Variants in CFAP20DC observed in about 807,000 individuals in gnomAD.
CFAP20DC encodes the protein protein CFAP20DC.
In CFAP20DC, 84 loss-of-function variants were observed where a neutral mutation model predicts 101.7. The ratio of observed to expected loss-of-function variants is 0.83; its 90% CI spans 0.69 to 0.99. CFAP20DC has a LOEUF of 0.99. Among genes scored for constraint, CFAP20DC ranks in the 50% least tolerant of loss-of-function variants. The pLI is 0.00. For synonymous variants in CFAP20DC, 359 were observed against 351.2 expected (o/e 1.02, Z -0.25); for missense variants, 1,007 against 970.3 (o/e 1.04, Z -0.50).
At position 58,913,880 on chromosome 3, in the gene CFAP20DC, G is replaced by A. The variant is rs1195536368; in HGVS notation, c.394-16C>T. On this transcript the variant is annotated splice_polypyrimidine_tract_variant and intron_variant, in intron 5 of 16. Transcript: ENST00000482387. This position sits in a 1 kb window ranked among gnomAD's most constrained non-coding sequence, Gnocchi z 4.4. Reference sequence around the variant, plus strand: ...GATTGCACCACTAAAATAGAGAGATGCAAAGAAGAGTAAGGACCTTTCATC... The same window carrying A: ...GATTGCACCACTAAAATAGAGAGATACAAAGAAGAGTAAGGACCTTTCATC... 6.2e-7 allele frequency: 1 copy of A among 1,612,578 alleles called. No individual in the cohort carries two copies. The highest frequency in any genetic ancestry group is 1.7e-5 in the Admixed American group (1 of 59,866).
intron 14 of CFAP20DC, among the ~76,000 whole-genome samples, chr3:58,821,387 C>T (rs904526836): frequency 2.0e-5 from 3 of 152,110 alleles, no homozygotes; most frequent in Admixed American, 6.5e-5. Flanking sequence ...ATTTTTGCAA[C>T]CTACTCATCT....
rs766327811 is a variant in CFAP20DC, at chr3:58,913,778, GACA to G, written c.477_479del (p.Val160del). 5 of 1,613,658 alleles carry G rather than the reference GACA, an allele frequency of 3.1e-6. No individual in the cohort carries two copies. The highest frequency in any genetic ancestry group is 2.2e-5 in the East Asian group (1 of 44,856). ...TCTTCCGTAGCTTACAGTTAGCTGA[GACA>G]ACAATTCCATCCAATGACTGGAAAA... is the stretch of plus-strand genomic sequence containing the variant. On this transcript the variant is annotated inframe_deletion, in exon 6 of 17. Transcript: ENST00000482387. This position sits in a 1 kb window ranked among gnomAD's most constrained non-coding sequence, Gnocchi z 4.4.
At chr3:58,757,336 T>C (rs1313535669) in intron 15 of CFAP20DC, among the ~76,000 whole-genome samples, 1 of 152,028 alleles carries the variant, frequency 6.6e-6, no homozygotes, top group Non-Finnish European at 1.5e-5. Context: ...TATTTTCATA[T>C]ATTTAAGGGC....
At chr3:58,930,972 C>T (rs1184943982) in intron 5 of CFAP20DC, among the ~76,000 whole-genome samples, 2 of 152,138 alleles carry the variant, frequency 1.3e-5, no homozygotes, top group East Asian at 1.9e-4. Context: ...CGAGGCATTG[C>T]CTCACTCGGG....
chr3:58,780,732 T>C (rs1409189770), intron 15 of CFAP20DC, among the ~76,000 whole-genome samples: 2 of 151,868 alleles, frequency 1.3e-5, no homozygotes, highest in Non-Finnish European at 2.9e-5. Flanking sequence ...AGCTAGAAGA[T>C]ATAACTATCT....
At chr3:58,934,019 C>T (rs925638934) in intron 5 of CFAP20DC, among the ~76,000 whole-genome samples, 7 of 152,092 alleles carry the variant, frequency 4.6e-5, no homozygotes, top group African/African-American at 1.4e-4. Flanking sequence ...ATTGATAGAC[C>T]ACTAGCAAGA....
intron 3 of CFAP20DC, among the ~76,000 whole-genome samples, chr3:59,045,286 T>A (rs1699760189): frequency 6.6e-6 from 1 of 151,762 alleles, no homozygotes; most frequent in African/African-American, 2.4e-5. Context: ...AATGATAAAA[T>A]CAGGTACCAA....
rs529331632 is a variant in CFAP20DC, at chr3:58,759,001, T to A, written c.2238-5138A>T. Among the ~76,000 whole-genome samples the A allele has an allele frequency of 2.5e-3, 384 of 152,388 alleles. 2 individuals are homozygous for A. Among genetic ancestry groups the A allele is most frequent in the Middle Eastern group, 0.024 (7 of 294 alleles). On this transcript the variant is annotated intron_variant, in intron 15 of 16. Transcript: ENST00000482387. ...TGAATAGTGCTGCAATAAACATACA[T>A]GTGCATGTGTCTTTATAGCAGCATA...
intron 4 of CFAP20DC, among the ~76,000 whole-genome samples, chr3:59,011,210 C>G (rs2093574182): frequency 6.6e-6 from 1 of 152,070 alleles, no homozygotes; most frequent in African/African-American, 2.4e-5. Context: ...CCAGCCTGGC[C>G]AACATGGTGA....
chr3:58,878,190 G>A (rs369104957), intron 7 of CFAP20DC, among the ~76,000 whole-genome samples: 1 of 152,094 alleles, frequency 6.6e-6, no homozygotes, highest in Non-Finnish European at 1.5e-5. Flanking sequence ...AAGCAGGAAG[G>A]GCCCTAGGCA....
At chr3:58,754,064 T>G (rs113318048) in intron 15 of CFAP20DC, among the ~76,000 whole-genome samples, 1 of 152,198 alleles carries the variant, frequency 6.6e-6, no homozygotes. Context: ...ACTAGCCAGT[T>G]TGAGAAATAC....
chr3:58,831,736 T>A lies in CFAP20DC; in HGVS notation c.2125A>T (p.Ile709Leu). 1 of 1,614,090 alleles carries A rather than the reference T, an allele frequency of 6.2e-7. No individual in the cohort carries two copies. The highest frequency in any genetic ancestry group is 8.5e-7 in the Non-Finnish European group (1 of 1,179,974). The change falls in exon 14 of 17, where the codon ATA becomes TTA. Residue 709 changes from isoleucine (I) to leucine (L), a missense_variant. Ile to Leu is a conservative substitution (Grantham distance 5, BLOSUM62 2). Coordinates refer to ENST00000482387, the MANE Select transcript of CFAP20DC (RefSeq NM_001394063.1). The part of the protein sequence containing the change: ...ASQVDNCNVS[I>L]STSSDDTTTW... ...GTTGTGTCGTCACTGCTGGTACTTA[T>A]GCTGACATTACAGTTGTCCACCTGG...
At position 58,894,815 on chromosome 3, in the gene CFAP20DC, G is replaced by T. The variant is rs914777116; in HGVS notation, c.551-10106C>A. Among the ~76,000 whole-genome samples, 2 of 152,240 alleles carry T rather than the reference G, an allele frequency of 1.3e-5. No individual in the cohort carries two copies. The highest frequency in any genetic ancestry group is 2.9e-5 in the Non-Finnish European group (2 of 68,044). Reference sequence around the variant, plus strand: ...GCCCCTGCAACAAACTTGTGCCTGGGCATCCAGGCGTTTCCATATGTCCTC... The same window carrying T: ...GCCCCTGCAACAAACTTGTGCCTGGTCATCCAGGCGTTTCCATATGTCCTC... On this transcript the variant is annotated intron_variant, in intron 6 of 16. Coordinates refer to ENST00000482387, the MANE Select transcript of CFAP20DC (RefSeq NM_001394063.1). The surrounding 1 kb of genome is among the most constrained non-coding windows in gnomAD (Gnocchi z 4.1).
chr3:58,981,014 G>T (rs1028304817), intron 4 of CFAP20DC, among the ~76,000 whole-genome samples: 2 of 151,462 alleles, frequency 1.3e-5, no homozygotes, highest in Non-Finnish European at 2.9e-5. Context: ...AAAGTCTCAG[G>T]ATACAAAATC....
intron 6 of CFAP20DC, among the ~76,000 whole-genome samples, chr3:58,890,575 C>A (rs1462842848): frequency 6.6e-6 from 1 of 151,142 alleles, no homozygotes; most frequent in East Asian, 2.0e-4. Context: ...CTGACCCCCC[C>A]ACCTCCCTCC....
chr3:58,790,405 C>G (rs920171010), intron 15 of CFAP20DC, among the ~76,000 whole-genome samples: 1 of 152,200 alleles, frequency 6.6e-6, no homozygotes, highest in Non-Finnish European at 1.5e-5. Flanking sequence ...TAAATGGGAA[C>G]AGGCATTCCT....
intron 3 of CFAP20DC, among the ~76,000 whole-genome samples, chr3:59,042,309 T>C (rs974252469): frequency 6.6e-6 from 1 of 151,832 alleles, no homozygotes; most frequent in Admixed American, 6.6e-5. Flanking sequence ...TTTGGCAAAG[T>C]AGAGAGGAAA....
chr3:58,929,794 C>A (rs900128369), intron 5 of CFAP20DC, among the ~76,000 whole-genome samples: 1 of 152,216 alleles, frequency 6.6e-6, no homozygotes, highest in African/African-American at 2.4e-5. Flanking sequence ...ACTTTCCATT[C>A]TCTTAGCTCA....
chr3:58,977,460 C>A (rs779654565), intron 4 of CFAP20DC, among the ~76,000 whole-genome samples: 1 of 152,100 alleles, frequency 6.6e-6, no homozygotes, highest in Non-Finnish European at 1.5e-5. Context: ...TCATGAAACA[C>A]AGAGTAACTT....
Sources: allele counts gnomAD v4.1 joint callset (sites outside exome capture counted in the v4.1 genomes callset), GRCh38; gene constraint gnomAD v4.1.1; non-coding constraint Gnocchi (gnomAD v3.1); transcripts MANE v1.5; gene names NCBI Gene and HGNC (gene_info 2026-07-23, HGNC 2026-07-21).